The following LRP1B variants were observed in gnomAD, a reference collection of about 807,000 sequenced individuals.
The protein encoded by LRP1B is LDL receptor related protein 1B, also known as low-density lipoprotein receptor-related protein 1B.
In LRP1B, 217 loss-of-function variants were observed where a neutral mutation model predicts 556.6. The ratio of observed to expected loss-of-function variants is 0.39; its 90% CI spans 0.35 to 0.44. The LOEUF (loss-of-function observed/expected upper bound fraction) is 0.44. Among genes scored for constraint, LRP1B ranks in the 20% least tolerant of loss-of-function variants. The probability of loss-of-function intolerance (pLI) is 1.00; values close to 1 mark genes in which losing one functional copy is unlikely to be tolerated. For synonymous variants in LRP1B, 2,047 were observed against 1,865.8 expected (o/e 1.10, Z -2.50); for missense variants, 5,053 against 5,620.8 (o/e 0.90, Z 3.23).
intron 31 of LRP1B, among the ~76,000 whole-genome samples, chr2:140,820,829 TATC>T (rs937859392): frequency 4.1e-4 from 63 of 151,926 alleles, no homozygotes; most frequent in African/African-American, 9.7e-5. Context: ...TTTGTACACA[TATC>T]ATCCTCTTTT....
chr2:141,218,426 T>C (rs1205635477), intron 6 of LRP1B, among the ~76,000 whole-genome samples: 3 of 152,182 alleles, frequency 2.0e-5, no homozygotes, highest in African/African-American at 4.8e-5. Flanking sequence ...AAATATGGTA[T>C]GTATACCCAA....
intron 7 of LRP1B, among the ~76,000 whole-genome samples, chr2:141,129,788 A>T (rs1184587839): frequency 8.9e-4 from 2 of 2,246 alleles, no homozygotes; most frequent in Non-Finnish European, 8.1e-3. Context: ...TTTAATAAAC[A>T]AATAGAGTTA....
In LRP1B at chr2:141,049,138, T is replaced by A. The variant is rs147134809; in HGVS notation, c.1637A>T (p.Asp546Val). The change falls in exon 11 of 91, where the codon GAT (aspartate) becomes GTT (valine). Residue 546 changes from aspartate (D) to valine (V), a missense_variant. By Grantham distance (152) the Asp-to-Val change is radical. Coordinates refer to ENST00000389484, the MANE Select transcript of LRP1B (RefSeq NM_018557.3). ...ATTTTCTATGGGGATCATGTATTCATCAGCTATCTTGGTATTCAAGTCCAT... is the reference window on the plus strand; with the variant it reads ...ATTTTCTATGGGGATCATGTATTCAACAGCTATCTTGGTATTCAAGTCCAT... ...RGMDLNTKIADEYMIPIENLV... is the reference protein window; with the variant it reads ...RGMDLNTKIAVEYMIPIENLV... 4.2e-5 allele frequency: 67 copies of A among 1,613,660 alleles called. No homozygotes were observed. The African/African-American group carries it at 8.4e-4, about 20-fold the overall frequency.
At chr2:141,309,106 C>G (rs1168461563) in intron 3 of LRP1B, among the ~76,000 whole-genome samples, 1 of 152,118 alleles carries the variant, frequency 6.6e-6, no homozygotes, top group African/African-American at 2.4e-5. Flanking sequence ...TTGGTTGGAA[C>G]CACATGTGAG....
rs964325211 is a variant in LRP1B at position 141,001,046 on chromosome 2, A to C, written c.2503+4289T>G. 1.6e-4 allele frequency among the ~76,000 whole-genome samples: 25 copies of C among 152,092 alleles called. 2 individuals are homozygous for C. The highest frequency in any genetic ancestry group is 2.4e-5 in the African/African-American group (1 of 41,450). ...TTATGATCCACATAACCGAAATTAA[A>C]AAACCAAGTAGAAAATTTTAACCTC... On this transcript the variant is annotated intron_variant, in intron 15 of 90. Coordinates refer to ENST00000389484, the MANE Select transcript of LRP1B (RefSeq NM_018557.3).
At chr2:140,595,908 AT>A (rs1260849056) in intron 43 of LRP1B, among the ~76,000 whole-genome samples, 2 of 152,164 alleles carry the variant, frequency 1.3e-5, no homozygotes, top group African/African-American at 2.4e-5. Context: ...TCATTCTAGT[AT>A]TTATTTTGTA....
chr2:141,011,293 C>G (rs1697742070), intron 14 of LRP1B, among the ~76,000 whole-genome samples: 1 of 150,934 alleles, frequency 6.6e-6, no homozygotes, highest in African/African-American at 2.4e-5. Context: ...GTCTGAGATT[C>G]AAAAGATGCA....
At chr2:141,981,326 A>G (rs774589438) in intron 1 of LRP1B, among the ~76,000 whole-genome samples, 1 of 152,126 alleles carries the variant, frequency 6.6e-6, no homozygotes, top group Non-Finnish European at 1.5e-5. Context: ...TGCAACCTCA[A>G]TGATAACAAG....
intron 41 of LRP1B, among the ~76,000 whole-genome samples, chr2:140,668,466 T>C (rs1191414904): frequency 6.6e-6 from 1 of 152,004 alleles, no homozygotes; most frequent in East Asian, 1.9e-4. Flanking sequence ...GGAGATTTAC[T>C]GTAGGCATGT....
Position 141,257,677 on chromosome 2 carries a change from G to C in LRP1B, c.344-3036C>G, listed in dbSNP as rs77455689. Among the ~76,000 whole-genome samples, 89 of 152,252 alleles carry C rather than the reference G, an allele frequency of 5.8e-4. 1 individual carries two copies. The highest frequency in any genetic ancestry group is 2.1e-3 in the African/African-American group (86 of 41,554). On this transcript the variant is annotated intron_variant, in intron 3 of 90. Coordinates refer to ENST00000389484, the MANE Select transcript of LRP1B (RefSeq NM_018557.3). The stretch of plus-strand genomic sequence containing the variant: ...TTTTAGTTTATTAGACTTATCCTGC[G>C]TGAGGATTTGTATATGTGCAGAGTG...
intron 20 of LRP1B, among the ~76,000 whole-genome samples, chr2:140,943,345 A>G (rs2105289601): frequency 6.6e-6 from 1 of 152,176 alleles, no homozygotes; most frequent in Non-Finnish European, 1.5e-5. Flanking sequence ...CCCCACTGAC[A>G]GCATTAGACA....
intron 31 of LRP1B, among the ~76,000 whole-genome samples, chr2:140,829,926 A>G (rs962671982): frequency 7.2e-5 from 11 of 152,064 alleles, no homozygotes; most frequent in Admixed American, 6.5e-4. Flanking sequence ...AAAAGGAGAC[A>G]TAACAGCTGA....
chr2:140,730,952 C>A (rs185179222), intron 35 of LRP1B, among the ~76,000 whole-genome samples: 9 of 152,146 alleles, frequency 5.9e-5, no homozygotes, highest in Non-Finnish European at 1.0e-4. Flanking sequence ...GTGTCTCACA[C>A]GCTTTCCTGC....
chr2:140,816,496 C>A (rs995640170), intron 31 of LRP1B, among the ~76,000 whole-genome samples: 1 of 152,090 alleles, frequency 6.6e-6, no homozygotes, highest in African/African-American at 2.4e-5. Context: ...AACATCTCTA[C>A]TTAGTATGAC....
intron 85 of LRP1B, among the ~76,000 whole-genome samples, chr2:140,274,203 T>A (rs543371445): frequency 6.6e-6 from 1 of 152,120 alleles, no homozygotes; most frequent in South Asian, 2.1e-4. Flanking sequence ...TCTTATTACA[T>A]AATGGATTTT....
At chr2:140,727,518 T>C (rs1202039132) in intron 35 of LRP1B, among the ~76,000 whole-genome samples, 3 of 152,172 alleles carry the variant, frequency 2.0e-5, no homozygotes. Context: ...GATTACTTCA[T>C]GGAGGAAGTG....
intron 3 of LRP1B, among the ~76,000 whole-genome samples, chr2:141,300,205 G>A (rs1177534059): frequency 1.3e-5 from 2 of 152,308 alleles, no homozygotes; most frequent in African/African-American, 4.8e-5. Context: ...TTGAATATGA[G>A]CTATGCAGTC....
At chr2:140,650,996 A>T (rs544541816) in intron 41 of LRP1B, among the ~76,000 whole-genome samples, 1 of 152,270 alleles carries the variant, frequency 6.6e-6, no homozygotes, top group South Asian at 2.1e-4. Flanking sequence ...TAGTTTCCAA[A>T]TAGTAAATCC....
chr2:141,548,544 A>G (rs1685633699), intron 2 of LRP1B, among the ~76,000 whole-genome samples: 2 of 152,148 alleles, frequency 1.3e-5, no homozygotes, highest in Non-Finnish European at 2.9e-5. Flanking sequence ...GTTCATTGTT[A>G]CTGTTCTGCT....
Sources: allele counts gnomAD v4.1 joint callset (sites outside exome capture counted in the v4.1 genomes callset), GRCh38; gene constraint gnomAD v4.1.1; transcripts MANE v1.5; gene names NCBI Gene and HGNC (gene_info 2026-07-23, HGNC 2026-07-21).